The following PDE4B variants were observed in gnomAD, a reference collection of about 807,000 sequenced individuals.
The protein encoded by PDE4B is 3',5'-cyclic-AMP phosphodiesterase 4B.
In PDE4B, 20 loss-of-function variants were observed where a neutral mutation model predicts 82.2. That is an observed-to-expected ratio of 0.24 (90% CI 0.17 to 0.35). The LOEUF is 0.35. Among genes scored for constraint, PDE4B ranks in the 10% least tolerant of loss-of-function variants. The probability of loss-of-function intolerance (pLI) is 1.00; values close to 1 mark genes in which losing one functional copy is unlikely to be tolerated. For synonymous variants in PDE4B, 320 were observed against 318.9 expected (o/e 1.00, Z -0.04); for missense variants, 655 against 907.2 (o/e 0.72, Z 3.57).
At chr1:66,118,142 A>G (rs1226333303) in intron 3 of PDE4B, among the ~76,000 whole-genome samples, 1 of 152,158 alleles carries the variant, frequency 6.6e-6, no homozygotes, top group Admixed American at 6.5e-5. Context: ...TCCTTCACCC[A>G]CTTGTTGATG....
intron 1 of PDE4B, among the ~76,000 whole-genome samples, chr1:65,848,468 T>TATGC (rs58787753): frequency 0.019 from 6 of 316 alleles, no homozygotes; most frequent in Non-Finnish European, 0.088. Flanking sequence ...TTGACATATA[T>TATGC]GTCTGTGAAA....
intron 3 of PDE4B, among the ~76,000 whole-genome samples, chr1:65,961,538 T>C (rs1649541288): frequency 6.6e-6 from 1 of 152,182 alleles, no homozygotes; most frequent in Non-Finnish European, 1.5e-5. Context: ...TGCCATGTGC[T>C]ATATTTGTCC....
intron 8 of PDE4B, among the ~76,000 whole-genome samples, chr1:66,345,628 TG>T (rs1349114428): frequency 6.6e-6 from 1 of 152,202 alleles, no homozygotes; most frequent in Non-Finnish European, 1.5e-5. Flanking sequence ...ATCAATTGCA[TG>T]AGGTTCAGAA....
chr1:66,266,104 GGTCTATCTAGAT>G lies in PDE4B; in HGVS notation c.634+20_634+31del, dbSNP rs1655016172. Reference sequence around the variant, plus strand: ...ACCCACAAGGTAGGCCATGTCATAAGGTCTATCTAGATGTTTCAAGATAGAATAATAAACATG... The same window carrying G: ...ACCCACAAGGTAGGCCATGTCATAAGGTTTCAAGATAGAATAATAAACATG... On this transcript the variant is annotated intron_variant, in intron 7 of 16. Transcript: ENST00000341517. 3 of 1,590,330 alleles carry G rather than the reference GGTCTATCTAGAT, an allele frequency of 1.9e-6. No individual in the cohort carries two copies. In the Admixed American group the frequency reaches 5.0e-5, roughly 27 times the overall value.
chr1:66,206,120 A>G (rs1377040685), intron 3 of PDE4B, among the ~76,000 whole-genome samples: 1 of 151,784 alleles, frequency 6.6e-6, no homozygotes, highest in Admixed American at 6.6e-5. Context: ...TTCCCTCAGA[A>G]CCTGTACTGC....
intron 7 of PDE4B, among the ~76,000 whole-genome samples, chr1:66,326,029 T>A (rs1659727535): frequency 6.6e-6 from 1 of 152,222 alleles, no homozygotes; most frequent in African/African-American, 2.4e-5. Flanking sequence ...TTCCACTGAA[T>A]TTTGAGTTAG....
At chr1:65,982,704 T>A (rs1234928223) in intron 3 of PDE4B, among the ~76,000 whole-genome samples, 1 of 152,186 alleles carries the variant, frequency 6.6e-6, no homozygotes, top group Non-Finnish European at 1.5e-5. Context: ...AAACTCTGAC[T>A]GAAGGTGACA....
At chr1:65,825,467 T>G (rs1646002769) in intron 1 of PDE4B, among the ~76,000 whole-genome samples, 2 of 152,184 alleles carry the variant, frequency 1.3e-5, no homozygotes, top group Non-Finnish European at 2.9e-5. Flanking sequence ...GATTTTCTAT[T>G]ACTTGAAGCT....
intron 3 of PDE4B, among the ~76,000 whole-genome samples, chr1:65,986,429 A>T (rs1419991284): frequency 6.6e-6 from 1 of 152,226 alleles, no homozygotes; most frequent in Non-Finnish European, 1.5e-5. Flanking sequence ...ATGAGACATG[A>T]CATGCTTGAC....
chr1:65,827,690 TAGG>T (rs1476282006), intron 1 of PDE4B, among the ~76,000 whole-genome samples: 1 of 152,020 alleles, frequency 6.6e-6, no homozygotes, highest in Non-Finnish European at 1.5e-5. Context: ...ACTGGAATCC[TAGG>T]AGGAGAAAAA....
intron 1 of PDE4B, among the ~76,000 whole-genome samples, chr1:65,884,918 C>G (rs1258318215): frequency 1.3e-5 from 2 of 152,186 alleles, no homozygotes; most frequent in South Asian, 4.1e-4. Flanking sequence ...TCAGAGTGAA[C>G]AGGCAACCTA....
rs997206804 is a variant in PDE4B at position 66,298,945 on chromosome 1, G to C, written c.634+32858G>C. 4.5e-4 allele frequency among the ~76,000 whole-genome samples: 68 copies of C among 151,994 alleles called. 4 individuals carry two copies. On this transcript the variant is annotated intron_variant, in intron 7 of 16. Coordinates refer to ENST00000341517, the MANE Select transcript of PDE4B (RefSeq NM_002600.4). ...CTTTTTAAAAAAAGGAAAAAGTTTA[G>C]TTGACACCAAATAGTTGTATATATT...
chr1:66,181,483 A>G (rs935571839), intron 3 of PDE4B, among the ~76,000 whole-genome samples: 6 of 152,202 alleles, frequency 3.9e-5, no homozygotes, highest in African/African-American at 1.4e-4. Flanking sequence ...ATATACTGTT[A>G]GCTAATGGGA....
chr1:66,152,593 T>A, intron 3 of PDE4B: 1 of 214,134 alleles, frequency 4.7e-6, no homozygotes, highest in South Asian at 5.9e-5. Context: ...TATATATGTG[T>A]GTGTGTGTGT....
intron 3 of PDE4B, among the ~76,000 whole-genome samples, chr1:65,936,640 G>T (rs1231888677): frequency 6.6e-6 from 1 of 152,188 alleles, no homozygotes; most frequent in Non-Finnish European, 1.5e-5. Flanking sequence ...TGAGTGTCTA[G>T]GGTAGGACCT....
intron 3 of PDE4B, among the ~76,000 whole-genome samples, chr1:66,015,288 G>A (rs1436523617): frequency 1.3e-5 from 2 of 152,038 alleles, no homozygotes; most frequent in Middle Eastern, 6.3e-3. Context: ...GATTGTTTTG[G>A]CCTAGCTGCT....
intron 3 of PDE4B, among the ~76,000 whole-genome samples, chr1:66,066,587 C>G (rs1452988990): frequency 2.0e-5 from 3 of 151,846 alleles, no homozygotes; most frequent in Non-Finnish European, 4.4e-5. Context: ...TGGAAAGTTC[C>G]AGGTGAATTT....
At chr1:66,176,730 A>G (rs1646938640) in intron 3 of PDE4B, among the ~76,000 whole-genome samples, 2 of 152,228 alleles carry the variant, frequency 1.3e-5, no homozygotes, top group African/African-American at 4.8e-5. Flanking sequence ...AAAGTAAACT[A>G]TTTCTTAAAT....
intron 3 of PDE4B, among the ~76,000 whole-genome samples, chr1:66,054,792 G>T (rs1189244329): frequency 1.3e-5 from 2 of 152,080 alleles, no homozygotes; most frequent in African/African-American, 4.8e-5. Context: ...ACAGATACCT[G>T]CCAGTTTCCT....
Sources: gnomAD v4.1 joint callset for allele counts (sites outside exome capture counted in the v4.1 genomes callset) on GRCh38, gnomAD v4.1.1 for gene constraint, MANE v1.5 for transcripts, NCBI Gene and HGNC (gene_info 2026-07-23, HGNC 2026-07-21) for gene names.